Variants in POLR3B observed in about 807,000 individuals in gnomAD.
The protein encoded by POLR3B is RNA polymerase III subunit B.
In POLR3B, 96 loss-of-function variants were observed where a neutral mutation model predicts 147.4. That is an observed-to-expected ratio of 0.65 (90% CI 0.55 to 0.77). The LOEUF is 0.77. POLR3B is among the 30% of genes least tolerant of loss of function. POLR3B has a pLI of 0.00. For synonymous variants in POLR3B, 461 were observed against 485.9 expected (o/e 0.95, Z 0.67); for missense variants, 1,036 against 1,413.5 (o/e 0.73, Z 4.28).
chr12:106,361,672 C>G (rs1230441199), intron 1 of POLR3B, among the ~76,000 whole-genome samples: 1 of 152,152 alleles, frequency 6.6e-6, no homozygotes, highest in Non-Finnish European at 1.5e-5. Context: ...ATGGGGGAAG[C>G]TAAACAACAC....
Position 106,463,588 on chromosome 12 carries a change from G to T in POLR3B, c.2681G>T (p.Gly894Val), listed in dbSNP as rs780618644. The change falls in exon 23 of 28, where the codon GGA (glycine) becomes GTA (valine). Residue 894 changes from glycine (G) to valine (V), a missense_variant. By Grantham distance (109) the Gly-to-Val change is moderately radical. This residue lies in a region of POLR3B where 202 missense variants were observed against 272.8 expected (regional missense o/e 0.74). Coordinates refer to ENST00000228347, the MANE Select transcript of POLR3B (RefSeq NM_018082.6). The part of the protein sequence containing the change: ...LLRQTRRPEI[G>V]DKFSSRHGQK... Reference sequence around the variant, plus strand: ...AGACAGACAAGGCGTCCAGAAATTGGAGACAAATTCAGCAGTCGTCATGGG... The same window carrying T: ...AGACAGACAAGGCGTCCAGAAATTGTAGACAAATTCAGCAGTCGTCATGGG... 1 of 1,613,750 alleles carries T rather than the reference G, an allele frequency of 6.2e-7. No homozygotes were observed. Among genetic ancestry groups the T allele is most frequent in the South Asian group, 1.1e-5 (1 of 91,068 alleles).
intron 6 of POLR3B, among the ~76,000 whole-genome samples, chr12:106,371,229 C>G (rs1398462726): frequency 6.6e-6 from 1 of 152,110 alleles, no homozygotes; most frequent in African/African-American, 2.4e-5. Flanking sequence ...CAAATCAAAA[C>G]CACAATGAGA....
At chr12:106,424,057 A>G (rs527343137) in intron 12 of POLR3B, among the ~76,000 whole-genome samples, 28 of 152,054 alleles carry the variant, frequency 1.8e-4, no homozygotes, top group East Asian at 5.8e-4. Flanking sequence ...GGGTTTCACC[A>G]TGTTGCGAGG....
chr12:106,444,562 T>G lies in POLR3B; in HGVS notation c.2055T>G (p.Tyr685Ter), dbSNP rs10861607. Residue 685 changes from tyrosine to a stop codon, truncating the protein, a stop_gained, in exon 19 of 28, where the codon TAT becomes TAG. Coordinates refer to ENST00000228347, the MANE Select transcript of POLR3B (RefSeq NM_018082.6). LOFTEE classifies it high-confidence loss of function. ...ATAACCAGTCACCGAGAAACACTTA[T>G]CAGTGTGCCATGGGGAAACAAGCCA... ...PHHNQSPRNT[Y>*]QCAMGKQAMG... The G allele has an allele frequency of 6.2e-7, 1 of 1,613,610 alleles. No individual in the cohort carries two copies. Among genetic ancestry groups the G allele is most frequent in the South Asian group, 1.1e-5 (1 of 91,060 alleles).
chr12:106,445,305 G>A (rs572969659), intron 19 of POLR3B, among the ~76,000 whole-genome samples: 17 of 152,316 alleles, frequency 1.1e-4, no homozygotes, highest in African/African-American at 3.8e-4. Flanking sequence ...GCAATCTGGT[G>A]TAATAAATGC....
At chr12:106,425,988 T>A (rs1163243425) in intron 12 of POLR3B, among the ~76,000 whole-genome samples, 1 of 152,164 alleles carries the variant, frequency 6.6e-6, no homozygotes, top group Non-Finnish European at 1.5e-5. Flanking sequence ...TAGTTATTTT[T>A]TGTTCATTTT....
At chr12:106,411,678 G>A (rs1330508689) in intron 12 of POLR3B, among the ~76,000 whole-genome samples, 1 of 152,140 alleles carries the variant, frequency 6.6e-6, no homozygotes, top group African/African-American at 2.4e-5. Context: ...AAGGGAGAGA[G>A]ACAATAATCA....
intron 6 of POLR3B, among the ~76,000 whole-genome samples, chr12:106,372,397 G>T (rs2036620064): frequency 6.7e-6 from 1 of 148,568 alleles, no homozygotes; most frequent in African/African-American, 2.5e-5. Context: ...GAGTACAGTG[G>T]CATGATCTCA....
intron 23 of POLR3B, among the ~76,000 whole-genome samples, chr12:106,481,115 T>C (rs1222015319): frequency 6.6e-6 from 1 of 151,838 alleles, no homozygotes; most frequent in Non-Finnish European, 1.5e-5. Flanking sequence ...TGGAGCAGAG[T>C]GAGAAGTGAG....
At chr12:106,501,498 A>G (rs2038600980) in intron 26 of POLR3B, 62 bp downstream of exon 26, 3 of 1,031,590 alleles carry the variant, frequency 2.9e-6, no homozygotes, top group South Asian at 2.7e-5. Context: ...TGTATTTTCC[A>G]GATATGGCAA....
rs1272100103 is a variant in POLR3B at position 106,476,001 on chromosome 12, G to A, written c.2713+12381G>A. Among the ~76,000 whole-genome samples, 8 of 151,162 alleles carry A rather than the reference G, an allele frequency of 5.3e-5. No homozygotes were observed. The South Asian group carries it at 1.7e-3, about 32-fold the overall frequency. On this transcript the variant is annotated intron_variant, in intron 23 of 27. Transcript: ENST00000228347. ...TTTTGGCATGATTTTGCAGCGGCTGGTACCGGTTGTTCCTTTCCATGTTTA... is the reference window on the plus strand; with the variant it reads ...TTTTGGCATGATTTTGCAGCGGCTGATACCGGTTGTTCCTTTCCATGTTTA...
chr12:106,506,888 T>C (rs1353082750), intron 27 of POLR3B, among the ~76,000 whole-genome samples: 2 of 152,240 alleles, frequency 1.3e-5, no homozygotes, highest in Admixed American at 6.5e-5. Flanking sequence ...TGATCATGTG[T>C]GCTGGGTTGA....
In POLR3B at chr12:106,429,964, G is replaced by T. The variant is rs543398045; in HGVS notation, c.1264-309G>T. On this transcript the variant is annotated intron_variant, in intron 13 of 27. Coordinates refer to ENST00000228347, the MANE Select transcript of POLR3B (RefSeq NM_018082.6). ...TTATGACTTCCCATGGAAATCTCTG[G>T]TTGAACTGGCTCTTCATTATAGAAT... is the stretch of plus-strand genomic sequence containing the variant. Among the ~76,000 whole-genome samples the T allele has an allele frequency of 2.0e-5, 3 of 152,280 alleles. No individual in the cohort carries two copies. In the East Asian group the frequency reaches 5.8e-4, roughly 29 times the overall value.
chr12:106,498,835 C>G (rs940683208), intron 25 of POLR3B, among the ~76,000 whole-genome samples: 1 of 152,216 alleles, frequency 6.6e-6, no homozygotes, highest in Non-Finnish European at 1.5e-5. Context: ...ATCCACCTGC[C>G]TCGGCCTCCC....
chr12:106,508,860 G>C (rs1244203147), intron 27 of POLR3B, among the ~76,000 whole-genome samples: 1 of 152,210 alleles, frequency 6.6e-6, no homozygotes, highest in East Asian at 1.9e-4. Context: ...CACTAGACAA[G>C]TTACCATTTG....
intron 4 of POLR3B, among the ~76,000 whole-genome samples, chr12:106,367,784 T>A (rs1405216414): frequency 6.6e-6 from 1 of 152,226 alleles, no homozygotes; most frequent in African/African-American, 2.4e-5. Flanking sequence ...CTTTTGTAAT[T>A]AATAAGTATC....
chr12:106,370,792 C>G (rs1011770405), intron 6 of POLR3B, among the ~76,000 whole-genome samples: 4 of 151,882 alleles, frequency 2.6e-5, no homozygotes, highest in African/African-American at 9.7e-5. Flanking sequence ...CCACCACACT[C>G]AGCTAATTTT....
At chr12:106,398,326 G>T (rs1449681277) in intron 10 of POLR3B, among the ~76,000 whole-genome samples, 1 of 152,232 alleles carries the variant, frequency 6.6e-6, no homozygotes, top group Non-Finnish European at 1.5e-5. Flanking sequence ...GGTAAACAAA[G>T]CGGCTGGGAA....
At chr12:106,445,949 A>T (rs2037717599) in intron 19 of POLR3B, among the ~76,000 whole-genome samples, 1 of 152,254 alleles carries the variant, frequency 6.6e-6, no homozygotes, top group African/African-American at 2.4e-5. Flanking sequence ...GCTACAGAGA[A>T]ATAAAAAGCA....
Sources: gnomAD v4.1 joint callset for allele counts (sites outside exome capture counted in the v4.1 genomes callset) on GRCh38, gnomAD v4.1.1 for gene constraint, gnomAD v4.1.1 regional missense constraint, MANE v1.5 for transcripts, NCBI Gene and HGNC (gene_info 2026-07-23, HGNC 2026-07-21) for gene names.